Variants in CDADC1 observed in about 807,000 individuals in gnomAD.
The protein encoded by CDADC1 is dCTP deaminase.
CDADC1 carries 39 observed loss-of-function variants against 54.9 expected under a neutral mutation model. The ratio of observed to expected loss-of-function variants is 0.71; its 90% CI spans 0.55 to 0.93. The LOEUF (loss-of-function observed/expected upper bound fraction) is 0.93. CDADC1 is among the 40% of genes least tolerant of loss of function. The pLI is 0.00. For missense variants in CDADC1, 518 were observed against 618.8 expected (o/e 0.84, Z 1.73); for synonymous variants, 186 against 204.0 (o/e 0.91, Z 0.75).
rs1308890956 is a variant in CDADC1, at chr13:49,293,123, A to C, written c.*1366A>C. On this transcript the variant is annotated 3_prime_UTR_variant, in exon 10 of 10. Coordinates refer to ENST00000251108, the MANE Select transcript of CDADC1 (RefSeq NM_030911.4). ...TAGTTTGAAAACCGTGAATTAAGATATTCTTATCAGTATAAAAACACTGAG... is the reference window on the plus strand; with the variant it reads ...TAGTTTGAAAACCGTGAATTAAGATCTTCTTATCAGTATAAAAACACTGAG... 6.4e-6 allele frequency: 1 copy of C among 156,102 alleles called. No homozygotes were observed. The highest frequency in any genetic ancestry group is 2.4e-5 in the African/African-American group (1 of 41,580). 9.7% of individuals were successfully genotyped at this position (156,102 alleles called of 1,614,324 possible). A position where few individuals can be genotyped will look rare whatever the true frequency, so the allele number is the denominator to read the frequency against.
chr13:49,273,248 G>A (rs1210338879), intron 5 of CDADC1, among the ~76,000 whole-genome samples: 2 of 152,110 alleles, frequency 1.3e-5, no homozygotes, highest in Non-Finnish European at 2.9e-5. Flanking sequence ...TCATTGGAGG[G>A]ATTCACTTTT....
intron 8 of CDADC1, 55 bp downstream of exon 8, chr13:49,280,753 C>T (rs1953298829): frequency 1.0e-6 from 1 of 966,844 alleles, no homozygotes; most frequent in Non-Finnish European, 1.4e-6. Flanking sequence ...GTTAGGTACC[C>T]TGCTGCAATA....
At chr13:49,257,431 G>A (rs181899328) in intron 3 of CDADC1, among the ~76,000 whole-genome samples, 10 of 152,222 alleles carry the variant, frequency 6.6e-5, no homozygotes, top group Non-Finnish European at 4.4e-5. Context: ...AACAATAGGA[G>A]CTCTGTCAAG....
rs535050479 is a variant in CDADC1, at chr13:49,267,884, C to T, written c.825C>T (p.Asn275=). 149 of 1,614,106 alleles carry T rather than the reference C, an allele frequency of 9.2e-5. 1 individual carries two copies. The South Asian group carries it at 1.5e-3, about 17-fold the overall frequency. The part of the protein sequence containing the change: ...ENPYFSNLRQ[N]MKDLILLLAT... The stretch of plus-strand genomic sequence containing the variant: ...CATACTTTAGCAATCTAAGGCAAAA[C>T]ATGAAAGACCTTATCCTACTTTTGG... The change falls in exon 5 of 10, where the codon AAC becomes AAT. Residue 275 remains asparagine (N), a synonymous_variant. Transcript: ENST00000251108.
intron 7 of CDADC1, among the ~76,000 whole-genome samples, chr13:49,279,463 G>C (rs1953251097): frequency 6.6e-6 from 1 of 152,170 alleles, no homozygotes; most frequent in African/African-American, 2.4e-5. Context: ...GAAAATCCGT[G>C]GTGTGTTTAG....
In CDADC1 at chr13:49,278,364, A is replaced by G; in HGVS notation, c.1065A>G (p.Gly355=). 1 of 1,562,916 alleles carries G rather than the reference A, an allele frequency of 6.4e-7. No individual in the cohort carries two copies. Among genetic ancestry groups the G allele is most frequent in the South Asian group, 1.2e-5 (1 of 85,230 alleles). ...WAEGKSRSCD[G]TGAMYFVGCG... ...CACTCTCGTAGAGAAGTTGTGATGG[A>G]ACAGGTGCCATGTACTTTGTAGGAT... is the stretch of plus-strand genomic sequence containing the variant. Residue 355 remains glycine (G), a synonymous_variant, in exon 7 of 10, where the codon GGA becomes GGG. Coordinates refer to ENST00000251108, the MANE Select transcript of CDADC1 (RefSeq NM_030911.4).
intron 9 of CDADC1, among the ~76,000 whole-genome samples, chr13:49,288,491 A>G (rs1183240702): frequency 1.3e-5 from 2 of 152,184 alleles, no homozygotes; most frequent in Non-Finnish European, 2.9e-5. Context: ...GCCCTAGGCA[A>G]CCACTCTTTC....
Position 49,292,732 on chromosome 13 carries a change from A to G in CDADC1, c.*975A>G. ...CATTTTTATTTGCTGAGAAACATTC[A>G]GAAAATTATTCCAAAAATGAAGGTA... On this transcript the variant is annotated 3_prime_UTR_variant, in exon 10 of 10. Coordinates refer to ENST00000251108, the MANE Select transcript of CDADC1 (RefSeq NM_030911.4). The G allele has an allele frequency of 7.9e-7, 1 of 1,273,240 alleles. No homozygotes were observed. The highest frequency in any genetic ancestry group is 1.3e-5 in the South Asian group (1 of 77,932). The allele number at this position is 1,273,240 out of a possible 1,614,324, so 78.9% of individuals were successfully genotyped here.
At chr13:49,271,430 G>C (rs1391620735) in intron 5 of CDADC1, among the ~76,000 whole-genome samples, 1 of 152,098 alleles carries the variant, frequency 6.6e-6, no homozygotes, top group African/African-American at 2.4e-5. Context: ...CTGATAATGA[G>C]AGTAGGCTGG....
intron 4 of CDADC1, among the ~76,000 whole-genome samples, chr13:49,266,618 G>A (rs1490100820): frequency 6.6e-6 from 1 of 152,086 alleles, no homozygotes; most frequent in African/African-American, 2.4e-5. Context: ...GGACATATTT[G>A]ATAACTGTTT....
chr13:49,285,654 T>TCTTC (rs1348592390), intron 8 of CDADC1, among the ~76,000 whole-genome samples: 2 of 152,138 alleles, frequency 1.3e-5, no homozygotes, highest in East Asian at 3.9e-4. Flanking sequence ...AATCCTCTGG[T>TCTTC]CTTCCACTTA....
At chr13:49,262,378 G>C (rs1301425997) in intron 4 of CDADC1, among the ~76,000 whole-genome samples, 3 of 152,090 alleles carry the variant, frequency 2.0e-5, no homozygotes, top group African/African-American at 7.2e-5. Context: ...AGGATGCAAA[G>C]GTTGCGGTGA....
intron 9 of CDADC1, among the ~76,000 whole-genome samples, chr13:49,291,474 T>C (rs1341002133): frequency 1.3e-5 from 2 of 152,178 alleles, no homozygotes; most frequent in Non-Finnish European, 2.9e-5. Flanking sequence ...ACCCGGCCAA[T>C]GTGAATCCAG....
At chr13:49,271,401 T>C (rs1952961349) in intron 5 of CDADC1, among the ~76,000 whole-genome samples, 1 of 152,210 alleles carries the variant, frequency 6.6e-6, no homozygotes, top group African/African-American at 2.4e-5. Flanking sequence ...GGATTATGCC[T>C]TCCTCCTGGG....
At chr13:49,277,429 T>A (rs1953178960) in intron 6 of CDADC1, among the ~76,000 whole-genome samples, 1 of 152,130 alleles carries the variant, frequency 6.6e-6, no homozygotes, top group South Asian at 2.1e-4. Flanking sequence ...AGTGAGACCC[T>A]GTCTCTAAAT....
At chr13:49,249,986 G>A (rs1315720146) in intron 2 of CDADC1, among the ~76,000 whole-genome samples, 1 of 152,108 alleles carries the variant, frequency 6.6e-6, no homozygotes, top group African/African-American at 2.4e-5. Context: ...ATTAGGTTAA[G>A]TTGAGCATTT....
rs1829808915 is a variant in CDADC1 at position 49,280,706 on chromosome 13, G to A, written c.1410+8G>A. ...GGTGTTAGCAAATTTACGGTAAGTA[G>A]ATACACATTTTTTTCAGGTGTATTT... is the stretch of plus-strand genomic sequence containing the variant. On this transcript the variant is annotated splice_region_variant and intron_variant, in intron 8 of 9. Transcript: ENST00000251108. The A allele has an allele frequency of 1.3e-6, 2 of 1,544,326 alleles. No homozygotes were observed. The highest frequency in any genetic ancestry group is 1.7e-6 in the Non-Finnish European group (2 of 1,146,208).
rs564821556 is a variant in CDADC1 at position 49,292,076 on chromosome 13, G to T, written c.*319G>T. The T allele has an allele frequency of 1.6e-4, 172 of 1,090,876 alleles. No individual in the cohort carries two copies. The highest frequency in any genetic ancestry group is 1.9e-4 in the Non-Finnish European group (168 of 894,026). 67.6% of individuals were successfully genotyped at this position (1,090,876 alleles called of 1,614,324 possible). On this transcript the variant is annotated 3_prime_UTR_variant, in exon 10 of 10. Transcript: ENST00000251108. ...TATATTAGCCAATTTGAAAGGGTCT[G>T]CTTCACAAGAGGTCATGCCTCTGCA... is the stretch of plus-strand genomic sequence containing the variant.
rs10626538 is a variant in CDADC1, at chr13:49,280,805, A to AATTATTATTATTATTATT, written c.1410+120_1410+137dup. ...CCCACCCTTTTAAAGAGTTTCAACA[A>AATTATTATTATTATTATT]ATTATTATTATTATTATTATTATTA... On this transcript the variant is annotated intron_variant, in intron 8 of 9. Coordinates refer to ENST00000251108, the MANE Select transcript of CDADC1 (RefSeq NM_030911.4). The AATTATTATTATTATTATT allele has an allele frequency of 4.5e-3, 1,031 of 228,260 alleles. 6 individuals carry two copies. Among genetic ancestry groups the AATTATTATTATTATTATT allele is most frequent in the African/African-American group, 0.015 (613 of 41,078 alleles). The allele number at this position is 228,260 out of a possible 1,614,324, so 14.1% of individuals were successfully genotyped here. A position where few individuals can be genotyped will look rare whatever the true frequency, so the allele number is the denominator to read the frequency against.
Sources: allele counts gnomAD v4.1 joint callset (sites outside exome capture counted in the v4.1 genomes callset), GRCh38; gene constraint gnomAD v4.1.1; transcripts MANE v1.5; gene names NCBI Gene and HGNC (gene_info 2026-07-23, HGNC 2026-07-21).